Variants in CNTN4 observed in about 807,000 individuals in gnomAD.
The protein encoded by CNTN4 is contactin 4.
Under a neutral mutation model 122.5 loss-of-function variants are expected in CNTN4, and 77 were observed. That is an observed-to-expected ratio of 0.63 (90% CI 0.52 to 0.76). The LOEUF (loss-of-function observed/expected upper bound fraction) is 0.76. Among genes scored for constraint, CNTN4 ranks in the 30% least tolerant of loss-of-function variants. CNTN4 has a pLI of 0.00. For synonymous variants in CNTN4, 512 were observed against 447.0 expected (o/e 1.15, Z -1.83); for missense variants, 1,256 against 1,259.1 (o/e 1.00, Z 0.04).
At chr3:2,877,685 G>A (rs940353686) in intron 8 of CNTN4, among the ~76,000 whole-genome samples, 8 of 152,090 alleles carry the variant, frequency 5.3e-5, no homozygotes, top group African/African-American at 1.9e-4. Context: ...ATGAAAAGGG[G>A]GTTCTGGAGC....
At chr3:2,825,980 T>G (rs1041222399) in intron 7 of CNTN4, among the ~76,000 whole-genome samples, 47 of 152,104 alleles carry the variant, frequency 3.1e-4, no homozygotes, top group African/African-American at 9.9e-4. Flanking sequence ...CTTTATAGTG[T>G]TTATAGTGCT....
intron 12 of CNTN4, among the ~76,000 whole-genome samples, chr3:2,907,488 A>T (rs1393305930): frequency 1.3e-5 from 2 of 151,608 alleles, no homozygotes; most frequent in East Asian, 3.9e-4. Flanking sequence ...CAGGAGAATC[A>T]CTTGAACCCG....
chr3:2,303,254 G>T (rs1278768436), intron 2 of CNTN4, among the ~76,000 whole-genome samples: 2 of 152,080 alleles, frequency 1.3e-5, no homozygotes, highest in Non-Finnish European at 2.9e-5. Flanking sequence ...TTTTTAAAGT[G>T]TACAATTTAG....
At chr3:2,905,623 C>T (rs1477504486) in intron 12 of CNTN4, among the ~76,000 whole-genome samples, 1 of 152,196 alleles carries the variant, frequency 6.6e-6, no homozygotes, top group Non-Finnish European at 1.5e-5. Context: ...CAGACTATAG[C>T]AGTAGAGCAG....
intron 7 of CNTN4, 37 bp from the exon 8 acceptor site, chr3:2,866,715 A>G (rs1250451841): frequency 1.3e-6 from 2 of 1,572,928 alleles, no homozygotes; most frequent in Non-Finnish European, 1.8e-6. Context: ...TCCAGTGCCA[A>G]AAGACATATT....
intron 2 of CNTN4, among the ~76,000 whole-genome samples, chr3:2,293,428 G>A (rs374171059): frequency 5.5e-4 from 84 of 152,308 alleles, no homozygotes; most frequent in African/African-American, 1.8e-3. Context: ...TTGAGAGGCA[G>A]AATGGCATAG....
At chr3:2,275,928 A>C (rs12632808) in intron 2 of CNTN4, among the ~76,000 whole-genome samples, 23,470 of 102,730 alleles carry the variant, frequency 0.23, 2,410 homozygotes, top group East Asian at 0.6. Context: ...TCAAAAAAAA[A>C]AAAAAAAAAC....
intron 4 of CNTN4, among the ~76,000 whole-genome samples, chr3:2,632,504 G>A (rs1284809949): frequency 6.6e-6 from 1 of 152,148 alleles, no homozygotes; most frequent in East Asian, 1.9e-4. Context: ...GGCATGAAGA[G>A]ATCAAGACTT....
At chr3:2,458,235 A>G (rs1423723210) in intron 3 of CNTN4, among the ~76,000 whole-genome samples, 2 of 152,152 alleles carry the variant, frequency 1.3e-5, no homozygotes, top group African/African-American at 2.4e-5. Context: ...AATGAATTAA[A>G]CCAAATAGTA....
chr3:2,780,922 C>G (rs1305560386), intron 6 of CNTN4, among the ~76,000 whole-genome samples: 10 of 152,046 alleles, frequency 6.6e-5, no homozygotes, highest in East Asian at 1.9e-4. Flanking sequence ...AATTCCAAAC[C>G]CAAGTTAAGT....
At chr3:2,521,328 G>A in intron 3 of CNTN4, among the ~76,000 whole-genome samples, 1 of 143,292 alleles carries the variant, frequency 7.0e-6, no homozygotes, top group South Asian at 2.3e-4. Context: ...GTGAACAAGG[G>A]TGGACCTCTA....
At chr3:2,916,937 A>G (rs1399045585) in intron 12 of CNTN4, among the ~76,000 whole-genome samples, 4 of 145,468 alleles carry the variant, frequency 2.7e-5, no homozygotes, top group Non-Finnish European at 6.0e-5. Flanking sequence ...GCACTTTGGG[A>G]GGCCAAGGCA....
chr3:2,193,681 C>A (rs145035869), intron 2 of CNTN4, among the ~76,000 whole-genome samples: 3 of 152,280 alleles, frequency 2.0e-5, no homozygotes, highest in Non-Finnish European at 2.9e-5. Context: ...TAATGCATCA[C>A]ATATGCATGA....
rs2079426688 is a variant in CNTN4, at chr3:2,571,683, A to AT, written c.55+128dup. On this transcript the variant is annotated intron_variant, in intron 4 of 24. Coordinates refer to ENST00000418658, the MANE Select transcript of CNTN4 (RefSeq NM_175607.3). ...AAGAGTATATGCTGCTATGACTAGCATTTGCTGACACTGTTGAATATACCT... is the reference window on the plus strand; with the variant it reads ...AAGAGTATATGCTGCTATGACTAGCATTTTGCTGACACTGTTGAATATACCT... The AT allele has an allele frequency of 1.1e-5, 8 of 738,912 alleles. No homozygotes were observed. The South Asian group carries it at 1.2e-4, about 11-fold the overall frequency. The allele number at this position is 738,912 out of a possible 1,614,324, so 45.8% of individuals were successfully genotyped here.
intron 3 of CNTN4, among the ~76,000 whole-genome samples, chr3:2,566,970 G>C (rs1269336738): frequency 1.3e-5 from 2 of 152,120 alleles, no homozygotes; most frequent in Non-Finnish European, 2.9e-5. Context: ...ATGTCCTTCA[G>C]GGGATTGCAT....
chr3:2,806,807 T>TG lies in CNTN4; in HGVS notation c.359-12674dup, dbSNP rs201058312. ...TTCACGTCCTTCTTGGCAGCCTCGATGGGGGACGAGAGCTGAGTTGGCAAA... is the reference window on the plus strand; with the variant it reads ...TTCACGTCCTTCTTGGCAGCCTCGATGGGGGGACGAGAGCTGAGTTGGCAAA... On this transcript the variant is annotated intron_variant, in intron 6 of 24. Transcript: ENST00000418658. Among the ~76,000 whole-genome samples the TG allele has an allele frequency of 8.3e-3, 1,259 of 152,284 alleles. 6 individuals carry two copies. Among genetic ancestry groups the TG allele is most frequent in the Middle Eastern group, 0.014 (4 of 294 alleles).
intron 14 of CNTN4, among the ~76,000 whole-genome samples, chr3:3,001,888 G>A (rs1249504680): frequency 2.6e-5 from 4 of 152,188 alleles, no homozygotes; most frequent in Admixed American, 2.6e-4. Context: ...TATACCAGAA[G>A]GTTATCAGTG....
rs570263782 is a variant in CNTN4 at position 2,475,314 on chromosome 3, C to A, written c.-88-96102C>A. On this transcript the variant is annotated intron_variant, in intron 3 of 24. Transcript: ENST00000418658. ...TTAGTTCTTTAAACTAAAGCACTAA[C>A]CTCTTTTACACCAAAGTTAATATCC... is the stretch of plus-strand genomic sequence containing the variant. 4.6e-5 allele frequency among the ~76,000 whole-genome samples: 7 copies of A among 152,282 alleles called. No individual in the cohort carries two copies. The East Asian group carries it at 7.7e-4, about 17-fold the overall frequency.
At chr3:3,043,374 G>A (rs891773539) in intron 22 of CNTN4, among the ~76,000 whole-genome samples, 1 of 152,106 alleles carries the variant, frequency 6.6e-6, no homozygotes, top group African/African-American at 2.4e-5. Context: ...TCCTCACTGG[G>A]AAGGGCTACT....
Sources: allele counts gnomAD v4.1 joint callset (sites outside exome capture counted in the v4.1 genomes callset), GRCh38; gene constraint gnomAD v4.1.1; transcripts MANE v1.5; gene names NCBI Gene and HGNC (gene_info 2026-07-23, HGNC 2026-07-21).